EYA1: variants seen among roughly 807,000 people sequenced by gnomAD.
EYA1 encodes the protein protein phosphatase EYA1.
A neutral mutation model predicts 82.0 loss-of-function variants in EYA1; 16 were observed. That is an observed-to-expected ratio of 0.20 (90% CI 0.13 to 0.30). The LOEUF is 0.30. Ranked by LOEUF, EYA1 falls within the 10% of genes least tolerant of loss-of-function variation. The pLI, the probability that EYA1 is intolerant of heterozygous loss-of-function variation, is 1.00. For missense variants in EYA1, 633 were observed against 730.7 expected, an observed-to-expected ratio of 0.87 and a Z score of 1.54; for synonymous variants, 261 against 264.4, an observed-to-expected ratio of 0.99 and a Z score of 0.12.
chr8:71,455,302 G>A (rs1012541404), intron 2 of EYA1, among the ~76,000 whole-genome samples: 8 of 152,300 alleles, frequency 5.3e-5, no homozygotes, highest in Middle Eastern at 3.4e-3. Context: ...GGACCAGACA[G>A]ATTCACTGCC....
chr8:71,508,957 C>T (rs547104977), intron 2 of EYA1, among the ~76,000 whole-genome samples: 3 of 152,138 alleles, frequency 2.0e-5, no homozygotes, highest in African/African-American at 7.2e-5. Context: ...TGTGGTGGCT[C>T]ACAACTGTAA....
In EYA1 at chr8:71,528,880, A is replaced by G. The variant is rs1200800595; in HGVS notation, c.33+6864T>C. On this transcript the variant is annotated intron_variant, in intron 2 of 18. Transcript: ENST00000643681. ...TGGAAAGGCGAAAACAGCTTGCCCA[A>G]GTACAGAGCTAAGGCTCAAGCAGAT... 3.9e-5 allele frequency among the ~76,000 whole-genome samples: 6 copies of G among 152,236 alleles called. 1 individual carries two copies. The highest frequency in any genetic ancestry group is 4.4e-5 in the Non-Finnish European group (3 of 68,042).
chr8:71,522,190 G>C (rs547017388), intron 2 of EYA1, among the ~76,000 whole-genome samples: 4 of 152,130 alleles, frequency 2.6e-5, no homozygotes, highest in Non-Finnish European at 5.9e-5. Context: ...AGAGCATTAT[G>C]CATTTTGCCT....
chr8:71,327,250 A>G (rs1823267203), intron 4 of EYA1, among the ~76,000 whole-genome samples: 1 of 152,232 alleles, frequency 6.6e-6, no homozygotes, highest in African/African-American at 2.4e-5. Context: ...TGCTCAATAA[A>G]TAATTGTTGA....
At chr8:71,225,242 C>T (rs181386647) in intron 12 of EYA1, 27 of 456,212 alleles carry the variant, frequency 5.9e-5, no homozygotes, top group Middle Eastern at 3.3e-4. Flanking sequence ...AGAGCTCAAG[C>T]GCTGCTAGGC....
chr8:71,380,422 C>A (rs1828631668), intron 2 of EYA1, among the ~76,000 whole-genome samples: 1 of 152,076 alleles, frequency 6.6e-6, no homozygotes, highest in African/African-American at 2.4e-5. Flanking sequence ...CACAAATGTT[C>A]ATGGACCTGG....
At chr8:71,386,517 A>T (rs949588014) in intron 2 of EYA1, among the ~76,000 whole-genome samples, 7 of 152,198 alleles carry the variant, frequency 4.6e-5, no homozygotes, top group African/African-American at 1.7e-4. Flanking sequence ...ATGGACCAAC[A>T]TTGTCTAGAG....
intron 2 of EYA1, among the ~76,000 whole-genome samples, chr8:71,414,915 T>A (rs1167729257): frequency 6.6e-6 from 1 of 152,212 alleles, no homozygotes; most frequent in Non-Finnish European, 1.5e-5. Context: ...AAATCTTTGG[T>A]TCTAATTGAG....
chr8:71,475,268 A>G (rs1468401228), intron 2 of EYA1, among the ~76,000 whole-genome samples: 1 of 152,250 alleles, frequency 6.6e-6, no homozygotes, highest in Non-Finnish European at 1.5e-5. Flanking sequence ...AGATAAATAT[A>G]CGTGCATGAA....
intron 11 of EYA1, among the ~76,000 whole-genome samples, chr8:71,254,797 T>C (rs1299038773): frequency 6.6e-6 from 1 of 152,104 alleles, no homozygotes; most frequent in Non-Finnish European, 1.5e-5. Context: ...CTGTTTACAA[T>C]GACATAATTT....
chr8:71,221,261 T>C (rs1045358729), intron 12 of EYA1, among the ~76,000 whole-genome samples: 1 of 151,982 alleles, frequency 6.6e-6, no homozygotes, highest in African/African-American at 2.4e-5. Context: ...AAACAGCTTA[T>C]TGGTCCCAGA....
chr8:71,320,751 C>A (rs1403039790), intron 6 of EYA1, among the ~76,000 whole-genome samples: 1 of 151,670 alleles, frequency 6.6e-6, no homozygotes, highest in African/African-American at 2.4e-5. Flanking sequence ...AGTAATTTAC[C>A]TTCTAATTAT....
At chr8:71,297,036 T>C (rs1819671854) in intron 9 of EYA1, among the ~76,000 whole-genome samples, 1 of 152,158 alleles carries the variant, frequency 6.6e-6, no homozygotes, top group Non-Finnish European at 1.5e-5. Context: ...ATACTCGCTT[T>C]AGTTGGAAGA....
At chr8:71,509,525 T>C (rs1272734104) in intron 2 of EYA1, among the ~76,000 whole-genome samples, 1 of 152,160 alleles carries the variant, frequency 6.6e-6, no homozygotes, top group Non-Finnish European at 1.5e-5. Flanking sequence ...GAAGGGAATT[T>C]GGAATCTTTT....
At chr8:71,389,911 C>T (rs1829179584) in intron 2 of EYA1, among the ~76,000 whole-genome samples, 1 of 152,110 alleles carries the variant, frequency 6.6e-6, no homozygotes, top group Admixed American at 6.6e-5. Flanking sequence ...TATATATATA[C>T]ATTTATATTT....
chr8:71,421,992 T>A (rs1442952794), intron 2 of EYA1, among the ~76,000 whole-genome samples: 1 of 152,218 alleles, frequency 6.6e-6, no homozygotes, highest in Non-Finnish European at 1.5e-5. Flanking sequence ...AATGATTACC[T>A]GTAACTATCA....
At chr8:71,338,498 C>T (rs573511342) in intron 3 of EYA1, among the ~76,000 whole-genome samples, 2 of 152,076 alleles carry the variant, frequency 1.3e-5, no homozygotes, top group African/African-American at 4.8e-5. Flanking sequence ...TCTATCAGAC[C>T]ATTGGAGCTC....
chr8:71,306,393 C>G (rs924566478), intron 7 of EYA1, among the ~76,000 whole-genome samples: 9 of 151,300 alleles, frequency 5.9e-5, no homozygotes, highest in Admixed American at 5.9e-4. Flanking sequence ...GAATGTCCAA[C>G]AAATCATCAT....
intron 2 of EYA1, among the ~76,000 whole-genome samples, chr8:71,493,307 A>T (rs929572187): frequency 6.6e-6 from 1 of 152,242 alleles, no homozygotes; most frequent in Non-Finnish European, 1.5e-5. Flanking sequence ...TTTAGGAACA[A>T]GTATTATCTT....
Sources: gnomAD v4.1 joint callset for allele counts (sites outside exome capture counted in the v4.1 genomes callset) on GRCh38, gnomAD v4.1.1 for gene constraint, MANE v1.5 for transcripts, NCBI Gene and HGNC (gene_info 2026-07-23, HGNC 2026-07-21) for gene names.